Variants in TM4SF19 observed in about 807,000 individuals in gnomAD.
TM4SF19 encodes the protein transmembrane 4 L6 family member 19.
TM4SF19 carries 17 observed loss-of-function variants against 21.8 expected under a neutral mutation model. The ratio of observed to expected loss-of-function variants is 0.78; its 90% confidence interval spans 0.53 to 1.17. TM4SF19 has a LOEUF of 1.17. Ranked by LOEUF, TM4SF19 falls within the 50% of genes most tolerant of loss-of-function variation. TM4SF19 has a pLI of 0.00. For missense variants in TM4SF19, 216 were observed against 252.1 expected, an observed-to-expected ratio of 0.86 and a Z score of 0.97; for synonymous variants, 107 against 106.7, an observed-to-expected ratio of 1.00 and a Z score of -0.02.
intron 1 of TM4SF19, among the ~76,000 whole-genome samples, chr3:196,329,268 A>C (rs1409921786): frequency 7.9e-6 from 1 of 126,698 alleles, no homozygotes; most frequent in Non-Finnish European, 1.7e-5. Flanking sequence ...AGAAGATGAC[A>C]ATTCAGCGGG....
intron 2 of TM4SF19, 68 bp downstream of exon 2, chr3:196,327,322 A>G (rs1727330441): frequency 6.8e-7 from 1 of 1,478,198 alleles, no homozygotes; most frequent in Non-Finnish European, 9.4e-7. Flanking sequence ...CACTCTTCCC[A>G]TGCCACCTTC....
chr3:196,332,052 C>T (rs1418069014), intron 1 of TM4SF19, among the ~76,000 whole-genome samples: 1 of 151,920 alleles, frequency 6.6e-6, no homozygotes, highest in African/African-American at 2.4e-5. Context: ...GGGTGGATCA[C>T]GAGGTCAGGA....
chr3:196,323,618 A>T lies in TM4SF19; in HGVS notation c.*199T>A. ...AATAACTTAGTTATTTATCCTATCC[A>T]TGGATCACCTGGAAGTTTACAATGT... On this transcript the variant is annotated 3_prime_UTR_variant, in exon 5 of 5. Transcript: ENST00000273695. 1 of 1,012,288 alleles carries T rather than the reference A, an allele frequency of 9.9e-7. No homozygotes were observed. The highest frequency in any genetic ancestry group is 1.6e-5 in the African/African-American group (1 of 61,664). The allele number at this position is 1,012,288 out of a possible 1,614,324, so 62.7% of individuals were successfully genotyped here.
intron 1 of TM4SF19, among the ~76,000 whole-genome samples, chr3:196,330,123 C>T (rs540477340): frequency 6.7e-5 from 10 of 148,298 alleles, no homozygotes; most frequent in Non-Finnish European, 1.5e-4. Context: ...CTGCCCGCCT[C>T]GGCCTCCCAC....
chr3:196,327,348 G>T, intron 2 of TM4SF19, 42 bp downstream of exon 2: 1 of 1,584,806 alleles, frequency 6.3e-7, no homozygotes, highest in Non-Finnish European at 8.7e-7. Flanking sequence ...CCCCGCCGGG[G>T]TCTCTTTGAG....
intron 1 of TM4SF19, among the ~76,000 whole-genome samples, chr3:196,330,464 T>C (rs1727462908): frequency 6.6e-6 from 1 of 152,218 alleles, no homozygotes; most frequent in African/African-American, 2.4e-5. Flanking sequence ...ACTCAAATCC[T>C]TATCAGTAAT....
intron 1 of TM4SF19, among the ~76,000 whole-genome samples, chr3:196,334,738 G>T: frequency 6.6e-6 from 1 of 151,740 alleles, no homozygotes; most frequent in Non-Finnish European, 1.5e-5. Flanking sequence ...ACAGGTGTGA[G>T]CCACCAAACC....
At position 196,331,285 on chromosome 3, in the gene TM4SF19, AT is replaced by A. The variant is rs1202315123; in HGVS notation, c.-1-3695del. 1.9e-4 allele frequency among the ~76,000 whole-genome samples: 26 copies of A among 137,062 alleles called. No homozygotes were observed. In the East Asian group the frequency reaches 2.0e-3, roughly 10 times the overall value. The allele number at this position is 137,062 out of a possible 152,430, so 89.9% of individuals were successfully genotyped here. A position where few individuals can be genotyped will look rare whatever the true frequency, so the allele number is the denominator to read the frequency against. On this transcript the variant is annotated intron_variant, in intron 1 of 4. Transcript: ENST00000273695. Reference sequence around the variant, plus strand: ...GAGTGAAGCTCTATCTAAAAAAAAAATATATATATATACATATATATATGAA... The same window carrying A: ...GAGTGAAGCTCTATCTAAAAAAAAAAATATATATATACATATATATATGAA...
rs1261613581 is a variant in TM4SF19, at chr3:196,323,811, T to C, written c.*6A>G. 4 of 1,614,056 alleles carry C rather than the reference T, an allele frequency of 2.5e-6. No homozygotes were observed. Among genetic ancestry groups the C allele is most frequent in the Admixed American group, 1.7e-5 (1 of 59,976 alleles). Reference sequence around the variant, plus strand: ...CACCCATGCTTGCAAGTGAAGGTTCTGCCTGTCACTTCTCGCAGAGGCTGC... The same window carrying C: ...CACCCATGCTTGCAAGTGAAGGTTCCGCCTGTCACTTCTCGCAGAGGCTGC... On this transcript the variant is annotated 3_prime_UTR_variant, in exon 5 of 5. Coordinates refer to ENST00000273695, the MANE Select transcript of TM4SF19 (RefSeq NM_138461.4).
chr3:196,332,612 TACACACAC>T (rs145852836), intron 1 of TM4SF19, among the ~76,000 whole-genome samples: 1 of 148,880 alleles, frequency 6.7e-6, no homozygotes, highest in Admixed American at 6.7e-5. Context: ...TGTGTGTACG[TACACACAC>T]ACACACACAC....
chr3:196,337,233 T>C (rs1001113453), intron 1 of TM4SF19, among the ~76,000 whole-genome samples: 4 of 151,942 alleles, frequency 2.6e-5, no homozygotes, highest in African/African-American at 9.7e-5. Context: ...TAATTTTGTA[T>C]TTTTAGTAGT....
intron 1 of TM4SF19, among the ~76,000 whole-genome samples, chr3:196,336,248 C>A (rs1017058515): frequency 6.6e-6 from 1 of 152,012 alleles, no homozygotes; most frequent in African/African-American, 2.4e-5. Context: ...AAGTGATTCT[C>A]CTGCCTCAGA....
At chr3:196,336,974 A>T (rs1727784443) in intron 1 of TM4SF19, among the ~76,000 whole-genome samples, 1 of 152,036 alleles carries the variant, frequency 6.6e-6, no homozygotes, top group African/African-American at 2.4e-5. Context: ...CTAGGGATAT[A>T]ACGATGAAAA....
rs193067716 is a variant in TM4SF19 at position 196,332,827 on chromosome 3, C to G, written c.-1-5236G>C. Among the ~76,000 whole-genome samples, 634 of 151,006 alleles carry G rather than the reference C, an allele frequency of 4.2e-3. 3 individuals are homozygous for G. Among genetic ancestry groups the G allele is most frequent in the African/African-American group, 0.015 (601 of 41,210 alleles). The stretch of plus-strand genomic sequence containing the variant: ...TGGCAACACAGTAGACTGTCCCTGA[C>G]TCACAATGGTTCAACTTACAATTTT... On this transcript the variant is annotated intron_variant, in intron 1 of 4. Coordinates refer to ENST00000273695, the MANE Select transcript of TM4SF19 (RefSeq NM_138461.4).
At chr3:196,332,240 G>A (rs1456973097) in intron 1 of TM4SF19, among the ~76,000 whole-genome samples, 2 of 151,700 alleles carry the variant, frequency 1.3e-5, no homozygotes, top group Non-Finnish European at 2.9e-5. Context: ...GGGCAAGAGA[G>A]TGAGATTCGG....
At position 196,323,957 on chromosome 3, in the gene TM4SF19, G is replaced by C. The variant is rs557644933; in HGVS notation, c.490C>G (p.Leu164Val). 1.2e-6 allele frequency: 2 copies of C among 1,613,960 alleles called. No homozygotes were observed. Among genetic ancestry groups the C allele is most frequent in the Non-Finnish European group, 1.7e-6 (2 of 1,180,026 alleles). Reference sequence around the variant, plus strand: ...CAGACAACAGCTGCAGAGGGCTCCAGGCAGACGGAGTTCCAGAGCGAACGG... The same window carrying C: ...CAGACAACAGCTGCAGAGGGCTCCACGCAGACGGAGTTCCAGAGCGAACGG... ...YDRSLWNSVC[L>V]EPSAAVVWHV... Residue 164 changes from leucine (L) to valine (V), a missense_variant, in exon 5 of 5, where the codon CTG (leucine) becomes GTG (valine). Leu to Val is a conservative substitution (Grantham distance 32). Coordinates refer to ENST00000273695, the MANE Select transcript of TM4SF19 (RefSeq NM_138461.4).
At chr3:196,330,522 A>G (rs933968377) in intron 1 of TM4SF19, among the ~76,000 whole-genome samples, 2 of 152,226 alleles carry the variant, frequency 1.3e-5, no homozygotes, top group African/African-American at 4.8e-5. Flanking sequence ...AATGAGTTCT[A>G]TTAGGTAATA....
rs1206935142 is a variant in TM4SF19 at position 196,329,889 on chromosome 3, TG to T, written c.-1-2299del. Among the ~76,000 whole-genome samples the T allele has an allele frequency of 6.8e-5, 8 of 118,494 alleles. 3 individuals carry two copies. The highest frequency in any genetic ancestry group is 3.0e-4 in the Admixed American group (3 of 10,046). 77.7% of individuals were successfully genotyped at this position (118,494 alleles called of 152,430 possible). On this transcript the variant is annotated intron_variant, in intron 1 of 4. Coordinates refer to ENST00000273695, the MANE Select transcript of TM4SF19 (RefSeq NM_138461.4). The stretch of plus-strand genomic sequence containing the variant: ...TTTGTGTTGTTTTGTTTTTTTTTTT[TG>T]AGACAGAGTCTTGCTCTGTCAGCCA...
In TM4SF19 at chr3:196,323,705, C is replaced by A; in HGVS notation, c.*112G>T. 1 of 1,574,588 alleles carries A rather than the reference C, an allele frequency of 6.4e-7. No individual in the cohort carries two copies. The highest frequency in any genetic ancestry group is 2.3e-5 in the East Asian group (1 of 43,542). On this transcript the variant is annotated 3_prime_UTR_variant, in exon 5 of 5. Transcript: ENST00000273695. Reference sequence around the variant, plus strand: ...GTGAATTTTGTTGTCATTATTACTCCAGGGATACCTAAAGGGGAAGTTTGT... The same window carrying A: ...GTGAATTTTGTTGTCATTATTACTCAAGGGATACCTAAAGGGGAAGTTTGT...
Sources: allele counts gnomAD v4.1 joint callset (sites outside exome capture counted in the v4.1 genomes callset), GRCh38; gene constraint gnomAD v4.1.1; transcripts MANE v1.5; gene names NCBI Gene and HGNC (gene_info 2026-07-23, HGNC 2026-07-21).